The following ZNF292 variants were observed in gnomAD, a reference collection of about 807,000 sequenced individuals.
The protein encoded by ZNF292 is zinc finger protein 292, also known as 16 zinc-finger domain protein.
A neutral mutation model predicts 217.9 loss-of-function variants in ZNF292; 26 were observed. The observed-to-expected ratio is 0.12, with a 90% CI of 0.09 to 0.17. The LOEUF is 0.17. Ranked by LOEUF, ZNF292 falls within the 10% of genes least tolerant of loss-of-function variation. The pLI is 1.00. For synonymous variants in ZNF292, 1,257 were observed against 1,124.1 expected, an observed-to-expected ratio of 1.12 and a Z score of -2.37; for missense variants, 2,904 against 3,175.2, an observed-to-expected ratio of 0.91 and a Z score of 2.05.
intron 1 of ZNF292, among the ~76,000 whole-genome samples, chr6:87,179,697 T>A (rs1023227750): frequency 2.0e-5 from 3 of 152,344 alleles, no homozygotes; most frequent in African/African-American, 7.2e-5. Context: ...CAGAACAATT[T>A]AATATACTTT....
chr6:87,245,086 C>G (rs904771408), intron 6 of ZNF292, among the ~76,000 whole-genome samples: 1 of 152,094 alleles, frequency 6.6e-6, no homozygotes, highest in South Asian at 2.1e-4. Flanking sequence ...ACTAAAAATA[C>G]AAAAATTAAC....
chr6:87,208,671 C>T (rs1349579246), intron 1 of ZNF292, among the ~76,000 whole-genome samples: 4 of 151,644 alleles, frequency 2.6e-5, no homozygotes, highest in Non-Finnish European at 4.4e-5. Context: ...TCTTTAAATA[C>T]CATATTTAAG....
At chr6:87,185,883 G>A (rs1239534366) in intron 1 of ZNF292, among the ~76,000 whole-genome samples, 2 of 152,110 alleles carry the variant, frequency 1.3e-5, no homozygotes, top group African/African-American at 2.4e-5. Context: ...GGGGGAAAGG[G>A]GCTCAGGGAC....
At position 87,264,001 on chromosome 6, in the gene ZNF292, A is replaced by G. The variant is rs1393188375; in HGVS notation, c.*2200A>G. The G allele has an allele frequency of 2.0e-5, 3 of 152,148 alleles. No individual in the cohort carries two copies. The highest frequency in any genetic ancestry group is 6.5e-5 in the Admixed American group (1 of 15,270). The allele number at this position is 152,148 out of a possible 1,614,324, so 9.4% of individuals were successfully genotyped here. A position where few individuals can be genotyped will look rare whatever the true frequency, so the allele number is the denominator to read the frequency against. On this transcript the variant is annotated 3_prime_UTR_variant, in exon 8 of 8. Coordinates refer to ENST00000369577, the MANE Select transcript of ZNF292 (RefSeq NM_015021.3). ...TACATGTCATGGGGAAGAGTTTGCC[A>G]ACATTTAATGAAATTTTTATATTCC...
At chr6:87,243,367 T>G in intron 5 of ZNF292, 108 bp from the exon 6 acceptor site, 1 of 962,308 alleles carries the variant, frequency 1.0e-6, no homozygotes, top group Non-Finnish European at 1.4e-6. Context: ...ATTAATGGCA[T>G]TTTATTCATA....
At chr6:87,157,381 G>C (rs113079465) in intron 1 of ZNF292, among the ~76,000 whole-genome samples, 3,520 of 152,188 alleles carry the variant, frequency 0.023, 130 homozygotes, top group African/African-American at 0.081. Flanking sequence ...GGTCTTTAAA[G>C]ATTTATTTTA....
intron 1 of ZNF292, among the ~76,000 whole-genome samples, chr6:87,199,703 A>G (rs1006725185): frequency 7.9e-5 from 12 of 152,218 alleles, no homozygotes; most frequent in Non-Finnish European, 1.6e-4. Flanking sequence ...AATGGATCAC[A>G]TGCCCTCTGG....
intron 1 of ZNF292, among the ~76,000 whole-genome samples, chr6:87,196,855 G>A (rs369748109): frequency 1.3e-5 from 2 of 152,144 alleles, no homozygotes; most frequent in South Asian, 2.1e-4. Flanking sequence ...ATAAAAAGAC[G>A]GACATATTTC....
chr6:87,218,748 CAG>C lies in ZNF292; in HGVS notation c.538+21_538+22del, dbSNP rs1772917405. On this transcript the variant is annotated intron_variant, in intron 4 of 7. Transcript: ENST00000369577. ...AGGATAAAGGTAAATTTTCGAGAGA[CAG>C]AGAAAAAAAAGAATAATTAGACTAG... The C allele has an allele frequency of 1.9e-6, 3 of 1,549,332 alleles. No individual in the cohort carries two copies. Among genetic ancestry groups the C allele is most frequent in the African/African-American group, 2.8e-5 (2 of 71,298 alleles).
intron 1 of ZNF292, among the ~76,000 whole-genome samples, chr6:87,205,605 TATTTTG>T (rs1484853690): frequency 6.6e-6 from 1 of 152,136 alleles, no homozygotes; most frequent in African/African-American, 2.4e-5. Flanking sequence ...TTATTCAATA[TATTTTG>T]ATTTTAAAAC....
At position 87,259,473 on chromosome 6, in the gene ZNF292, A is replaced by G. The variant is rs1775435813; in HGVS notation, c.5844A>G (p.Lys1948=). Reference sequence around the variant, plus strand: ...ATCAATTGAAATTTGCTCCCTTTAAATGTGTAGTACCTACATGTACAAAAA... The same window carrying G: ...ATCAATTGAAATTTGCTCCCTTTAAGTGTGTAGTACCTACATGTACAAAAA... ...KKNQLKFAPF[K]CVVPTCTKTF... Residue 1948 remains lysine (K), a synonymous_variant, in exon 8 of 8, where the codon AAA becomes AAG. Transcript: ENST00000369577. 6.3e-7 allele frequency: 1 copy of G among 1,588,778 alleles called. No homozygotes were observed. The highest frequency in any genetic ancestry group is 1.3e-5 in the African/African-American group (1 of 74,348).
Position 87,256,098 on chromosome 6 carries a change from G to A in ZNF292, c.2469G>A (p.Glu823=), listed in dbSNP as rs1562182524. ...GTAAAGTTTATCGTTCTCAGGGTGA[G>A]CTGGAAAAGCATCTGGATGATCACA... is the stretch of plus-strand genomic sequence containing the variant. ...GCGKVYRSQG[E]LEKHLDDHST... is the part of the protein sequence containing the mutation. The change falls in exon 8 of 8, where the codon GAG becomes GAA. Residue 823 remains glutamate (E), a synonymous_variant. Transcript: ENST00000369577. The A allele has an allele frequency of 5.0e-6, 8 of 1,613,436 alleles. No individual in the cohort carries two copies. The highest frequency in any genetic ancestry group is 5.9e-6 in the Non-Finnish European group (7 of 1,179,690).
intron 1 of ZNF292, among the ~76,000 whole-genome samples, chr6:87,204,675 T>C (rs905530117): frequency 2.0e-5 from 3 of 149,332 alleles, no homozygotes; most frequent in Non-Finnish European, 4.4e-5. Context: ...GCGATTCTCC[T>C]GCCTCAGCCT....
intron 1 of ZNF292, among the ~76,000 whole-genome samples, chr6:87,186,618 C>T (rs1771664642): frequency 6.6e-6 from 1 of 152,128 alleles, no homozygotes; most frequent in Admixed American, 6.5e-5. Flanking sequence ...GTGGCTCATG[C>T]CTGTAATCCC....
intron 1 of ZNF292, among the ~76,000 whole-genome samples, chr6:87,176,365 G>T (rs926836032): frequency 1.3e-5 from 2 of 152,184 alleles, no homozygotes; most frequent in African/African-American, 4.8e-5. Context: ...GCTTAACAAG[G>T]CCTGTTTGTG....
chr6:87,164,836 C>T (rs548604967), intron 1 of ZNF292, among the ~76,000 whole-genome samples: 1 of 82,938 alleles, frequency 1.2e-5, no homozygotes, highest in Admixed American at 1.3e-4. Context: ...GATCTCGACT[C>T]ACTGGCAACC....
Position 87,259,692 on chromosome 6 carries a change from T to A in ZNF292, c.6063T>A (p.Pro2021=). ...AGGAAAATAAAAAGGAATCTCAGCC[T>A]GCTTTAGAATTGAGAGCAGAGACCC... The part of the protein sequence containing the change: ...MTEENKKESQ[P]ALELRAETQN... The change falls in exon 8 of 8, where the codon CCT becomes CCA. Residue 2021 remains proline, a synonymous_variant. Transcript: ENST00000369577. The A allele has an allele frequency of 1.3e-6, 2 of 1,599,534 alleles. No individual in the cohort carries two copies. Among genetic ancestry groups the A allele is most frequent in the Middle Eastern group, 3.3e-4 (2 of 6,046 alleles).
At chr6:87,160,936 C>T (rs1222239197) in intron 1 of ZNF292, among the ~76,000 whole-genome samples, 1 of 151,976 alleles carries the variant, frequency 6.6e-6, no homozygotes, top group African/African-American at 2.4e-5. Context: ...TTTTCAGAAA[C>T]ATTGAACAGA....
In ZNF292 at chr6:87,255,575, A is replaced by G. The variant is rs1160342281; in HGVS notation, c.1946A>G (p.Asn649Ser). ...SLYSTDFIVF[N>S]DNDGSDDEND... ...TATTCAACAGATTTTATAGTGTTTA[A>G]TGACAATGATGGTTCAGATGATGAG... Residue 649 changes from asparagine (N) to serine (S), a missense_variant, in exon 8 of 8, where the codon AAT becomes AGT. Asn to Ser is a conservative substitution (Grantham distance 46). Coordinates refer to ENST00000369577, the MANE Select transcript of ZNF292 (RefSeq NM_015021.3). 6.2e-7 allele frequency: 1 copy of G among 1,610,772 alleles called. No individual in the cohort carries two copies. Among genetic ancestry groups the G allele is most frequent in the Non-Finnish European group, 8.5e-7 (1 of 1,178,130 alleles).
Sources: gnomAD v4.1 joint callset for allele counts (sites outside exome capture counted in the v4.1 genomes callset) on GRCh38, gnomAD v4.1.1 for gene constraint, MANE v1.5 for transcripts, NCBI Gene and HGNC (gene_info 2026-07-23, HGNC 2026-07-21) for gene names.